Variants in SRGAP1 observed in about 807,000 individuals in gnomAD.
SRGAP1 encodes SLIT-ROBO Rho GTPase activating protein 1.
A neutral mutation model predicts 121.9 loss-of-function variants in SRGAP1; 43 were observed. That is an observed-to-expected ratio of 0.35 (90% CI 0.28 to 0.46). The LOEUF is 0.46. SRGAP1 is among the 20% of genes least tolerant of loss of function. SRGAP1 has a pLI of 1.00. For synonymous variants in SRGAP1, 447 were observed against 485.4 expected (o/e 0.92, Z 1.04); for missense variants, 1,102 against 1,350.9 (o/e 0.82, Z 2.89).
intron 1 of SRGAP1, among the ~76,000 whole-genome samples, chr12:63,878,188 T>TG (rs950015954): frequency 3.9e-5 from 6 of 152,232 alleles, no homozygotes; most frequent in African/African-American, 1.4e-4. Flanking sequence ...TCTGTACTGC[T>TG]GCCTGCTTTA....
intron 1 of SRGAP1, among the ~76,000 whole-genome samples, chr12:63,880,033 T>C (rs2136285167): frequency 6.6e-6 from 1 of 152,274 alleles, no homozygotes; most frequent in African/African-American, 2.4e-5. Context: ...GGGAAGGTAA[T>C]TGAATCATGG....
At chr12:63,942,102 T>A (rs1297003858) in intron 1 of SRGAP1, among the ~76,000 whole-genome samples, 1 of 152,042 alleles carries the variant, frequency 6.6e-6, no homozygotes, top group Non-Finnish European at 1.5e-5. Flanking sequence ...TCTGTAAAAC[T>A]CTCCCCCTCT....
chr12:64,085,399 A>G (rs894465367), intron 10 of SRGAP1, among the ~76,000 whole-genome samples: 1 of 152,244 alleles, frequency 6.6e-6, no homozygotes, highest in African/African-American at 2.4e-5. Flanking sequence ...ACATAACAAC[A>G]TAATACAACA....
At position 64,018,380 on chromosome 12, in the gene SRGAP1, C is replaced by T. The variant is rs931034586; in HGVS notation, c.489+1368C>T. On this transcript the variant is annotated intron_variant, in intron 4 of 21. Coordinates refer to ENST00000355086, the MANE Select transcript of SRGAP1 (RefSeq NM_020762.4). ...TGTTGGCATTACAGGCATGAGCCACCGAGCCTGGCCTGAATTGTTTTTTTA... is the reference window on the plus strand; with the variant it reads ...TGTTGGCATTACAGGCATGAGCCACTGAGCCTGGCCTGAATTGTTTTTTTA... Among the ~76,000 whole-genome samples, 6 of 152,236 alleles carry T rather than the reference C, an allele frequency of 3.9e-5. No homozygotes were observed. The East Asian group carries it at 7.7e-4, about 20-fold the overall frequency.
chr12:63,953,021 G>A (rs2032346451), intron 1 of SRGAP1, among the ~76,000 whole-genome samples: 1 of 152,164 alleles, frequency 6.6e-6, no homozygotes, highest in Admixed American at 6.5e-5. Context: ...AGCAGGTATT[G>A]TTCCCATTTT....
At chr12:63,987,064 T>G (rs1213110750) in intron 2 of SRGAP1, among the ~76,000 whole-genome samples, 1 of 152,232 alleles carries the variant, frequency 6.6e-6, no homozygotes, top group Non-Finnish European at 1.5e-5. Flanking sequence ...TGAGCCTTGG[T>G]GTCCTAACTT....
intron 12 of SRGAP1, among the ~76,000 whole-genome samples, chr12:64,094,003 A>G (rs2036105555): frequency 6.6e-6 from 1 of 152,198 alleles, no homozygotes; most frequent in Non-Finnish European, 1.5e-5. Context: ...TCAAAATAAA[A>G]TTCCTCACGA....
intron 3 of SRGAP1, among the ~76,000 whole-genome samples, chr12:64,011,844 A>G (rs925532617): frequency 3.9e-5 from 6 of 152,166 alleles, no homozygotes; most frequent in African/African-American, 9.7e-5. Context: ...GGCCAAGTGC[A>G]GTGGCTCACA....
rs1592953848 is a variant in SRGAP1, at chr12:63,928,676, A to G, written c.68-55271A>G. On this transcript the variant is annotated intron_variant, in intron 1 of 21. Transcript: ENST00000355086. ...ACTGGGGGTGGGGGCGGTGGTGGGG[A>G]TGGTTTCAGGATGATTCAAGTGCAT... 2.7e-5 allele frequency among the ~76,000 whole-genome samples: 4 copies of G among 150,248 alleles called. No individual in the cohort carries two copies. In the South Asian group the frequency reaches 6.4e-4, roughly 24 times the overall value.
At chr12:63,984,858 A>G (rs989857047) in intron 2 of SRGAP1, among the ~76,000 whole-genome samples, 5 of 152,132 alleles carry the variant, frequency 3.3e-5, no homozygotes, top group Non-Finnish European at 5.9e-5. Flanking sequence ...TCTACTAAAA[A>G]TACAAAAATT....
Position 64,151,501 on chromosome 12 carries a change from T to C in SRGAP1, c.*8829T>C, listed in dbSNP as rs1592366680. On this transcript the variant is annotated 3_prime_UTR_variant, in exon 22 of 22. Transcript: ENST00000355086. The stretch of plus-strand genomic sequence containing the variant: ...CTGTGTTTGGATCATAAAGTTAGCA[T>C]TGACTCCAAAAAGTGAAATCACTGG... 1 of 152,316 alleles carries C rather than the reference T, an allele frequency of 6.6e-6. No individual in the cohort carries two copies. Among genetic ancestry groups the C allele is most frequent in the African/African-American group, 2.4e-5 (1 of 41,570 alleles). The allele number at this position is 152,316 out of a possible 1,614,324, so 9.4% of individuals were successfully genotyped here. A position where few individuals can be genotyped will look rare whatever the true frequency, so the allele number is the denominator to read the frequency against.
chr12:64,003,052 AAGAG>A (rs1448782918), intron 3 of SRGAP1, among the ~76,000 whole-genome samples: 14 of 93,430 alleles, frequency 1.5e-4, no homozygotes, highest in African/African-American at 3.0e-4. Flanking sequence ...GAGAGAGAGA[AAGAG>A]AGAAAGAAAG....
chr12:63,904,739 T>A (rs77032611), intron 1 of SRGAP1, among the ~76,000 whole-genome samples: 1 of 152,004 alleles, frequency 6.6e-6, no homozygotes, highest in Admixed American at 6.5e-5. Context: ...AAGACCAACG[T>A]GGTCAACTTT....
At position 63,993,742 on chromosome 12, in the gene SRGAP1, C is replaced by T. The variant is rs1014521395; in HGVS notation, c.426+3670C>T. Among the ~76,000 whole-genome samples, 5 of 151,774 alleles carry T rather than the reference C, an allele frequency of 3.3e-5. No individual in the cohort carries two copies. In the East Asian group the frequency reaches 9.7e-4, roughly 29 times the overall value. On this transcript the variant is annotated intron_variant, in intron 3 of 21. Transcript: ENST00000355086. ...TAAATGGATATAATAATCAAGAAGA[C>T]ACTTGTAGAAATAATTCCATGCAGA...
intron 18 of SRGAP1, among the ~76,000 whole-genome samples, chr12:64,118,883 T>A (rs1321435535): frequency 2.6e-5 from 4 of 151,986 alleles, no homozygotes. Context: ...AATTTTTGTA[T>A]TTTTAGTAGA....
chr12:64,076,655 T>A (rs1322619143), intron 8 of SRGAP1, among the ~76,000 whole-genome samples: 1 of 151,478 alleles, frequency 6.6e-6, no homozygotes, highest in African/African-American at 2.4e-5. Context: ...AAAAAAAAAT[T>A]TTTTTTTTTG....
intron 21 of SRGAP1, among the ~76,000 whole-genome samples, chr12:64,136,230 G>A (rs1340504444): frequency 2.0e-5 from 3 of 152,140 alleles, no homozygotes; most frequent in Non-Finnish European, 4.4e-5. Flanking sequence ...CACTAAGAGT[G>A]GTGGTGCATG....
chr12:63,862,502 G>T (rs1565925184), intron 1 of SRGAP1, among the ~76,000 whole-genome samples: 1 of 152,164 alleles, frequency 6.6e-6, no homozygotes, highest in Non-Finnish European at 1.5e-5. Flanking sequence ...TATTCTGAAG[G>T]TGCGGCTTAT....
chr12:63,879,537 CACAT>C (rs1277629937), intron 1 of SRGAP1: 1 of 152,094 alleles, frequency 6.6e-6, no homozygotes, highest in Non-Finnish European at 1.5e-5. Context: ...ATCCAATAAA[CACAT>C]ACATTTTCTA....
Sources: gnomAD v4.1 joint callset for allele counts (sites outside exome capture counted in the v4.1 genomes callset) on GRCh38, gnomAD v4.1.1 for gene constraint, MANE v1.5 for transcripts, NCBI Gene and HGNC (gene_info 2026-07-23, HGNC 2026-07-21) for gene names.